The following EME2 variants were observed in gnomAD, a reference collection of about 807,000 sequenced individuals.
The protein encoded by EME2 is essential meiotic structure-specific endonuclease subunit 2, also known as structure-specific endonuclease subunit EME2.
Under a neutral mutation model 41.9 loss-of-function variants are expected in EME2, and 58 were observed. The ratio of observed to expected loss-of-function variants is 1.38; its 90% confidence interval spans 1.12 to 1.72. The LOEUF is 1.72. Ranked by LOEUF, EME2 falls within the 40% of genes most tolerant of loss-of-function variation. The probability of loss-of-function intolerance (pLI) is 0.00; values close to 1 mark genes in which losing one functional copy is unlikely to be tolerated. For missense variants in EME2, 695 were observed against 541.9 expected, an observed-to-expected ratio of 1.28 and a Z score of -2.81; for synonymous variants, 334 against 239.3, an observed-to-expected ratio of 1.40 and a Z score of -3.65.
rs781130749 is a variant in EME2, at chr16:1,776,113, G to T, written c.1015G>T (p.Ala339Ser). ...GGAGCGGGAGCGCATGGGCCTCCTG[G>T]CCGACCTTCCTGTGCCGCCCAGTGA... Reference protein sequence around the residue: ...STERERMGLLADLPVPPSEGG... With the variant: ...STERERMGLLSDLPVPPSEGG... Residue 339 changes from alanine (A) to serine (S), a missense_variant, in exon 8 of 8, where the codon GCC (alanine) becomes TCC (serine). Ala to Ser is a moderately conservative substitution (Grantham distance 99, BLOSUM62 1). Transcript: ENST00000568449. 6.8e-6 allele frequency: 11 copies of T among 1,611,518 alleles called. No individual in the cohort carries two copies. The highest frequency in any genetic ancestry group is 9.3e-6 in the Non-Finnish European group (11 of 1,179,750).
Position 1,781,425 on chromosome 16 carries a change from C to T in EME2, c.*5187C>T, listed in dbSNP as rs1249753021. The T allele has an allele frequency of 1.9e-6, 3 of 1,612,712 alleles. No individual in the cohort carries two copies. Among genetic ancestry groups the T allele is most frequent in the South Asian group, 1.1e-5 (1 of 91,092 alleles). On this transcript the variant is annotated 3_prime_UTR_variant, in exon 8 of 8. Transcript: ENST00000568449. Reference sequence around the variant, plus strand: ...AGCCACGGCCCGGGCATCTGCGTCTCGGCGGGCTGCACTCAGGACGAAGTG... The same window carrying T: ...AGCCACGGCCCGGGCATCTGCGTCTTGGCGGGCTGCACTCAGGACGAAGTG...
At position 1,780,788 on chromosome 16, in the gene EME2, A is replaced by C. The variant is rs1229191275; in HGVS notation, c.*4550A>C. On this transcript the variant is annotated 3_prime_UTR_variant, in exon 8 of 8. Transcript: ENST00000568449. Reference sequence around the variant, plus strand: ...AGCTCTGTCACCCAGGCTGGAACGCACTGGTGTGATCACGGCTCACTGCAG... The same window carrying C: ...AGCTCTGTCACCCAGGCTGGAACGCCCTGGTGTGATCACGGCTCACTGCAG... The C allele has an allele frequency of 4.6e-6, 1 of 216,294 alleles. No individual in the cohort carries two copies. Among genetic ancestry groups the C allele is most frequent in the Non-Finnish European group, 9.5e-6 (1 of 105,424 alleles). The allele number at this position is 216,294 out of a possible 1,614,324, so 13.4% of individuals were successfully genotyped here.
At position 1,775,137 on chromosome 16, in the gene EME2, C is replaced by T. The variant is rs376916673; in HGVS notation, c.569+5C>T. The T allele has an allele frequency of 2.5e-5, 41 of 1,611,752 alleles. No individual in the cohort carries two copies. Among genetic ancestry groups the T allele is most frequent in the Middle Eastern group, 1.6e-4 (1 of 6,080 alleles). On this transcript the variant is annotated splice_donor_5th_base_variant and intron_variant, in intron 4 of 7. Transcript: ENST00000568449. ...CGGGCTGGATGCCTACCTGTGGTAC[C>T]GCTCACTCTCATGCCCACAGCAGGG...
Position 1,777,294 on chromosome 16 carries a change from C to G in EME2, c.*1056C>G, listed in dbSNP as rs748063814. On this transcript the variant is annotated 3_prime_UTR_variant, in exon 8 of 8. Transcript: ENST00000568449. ...AGACCCTCCAGCGTGTCTCCCGAGT[C>G]TGGCCGCAGCTGGCGCAGGCGGTGG... 7 of 1,610,104 alleles carry G rather than the reference C, an allele frequency of 4.3e-6. No individual in the cohort carries two copies. In the South Asian group the frequency reaches 7.7e-5, roughly 18 times the overall value.
Position 1,781,460 on chromosome 16 carries a change from G to A in EME2, c.*5222G>A. ...CACTCAGGACGAAGTGCCAGGCCCT[G>A]CTGTTCCGGGGGCGTCTGGCCATGG... is the stretch of plus-strand genomic sequence containing the variant. On this transcript the variant is annotated 3_prime_UTR_variant, in exon 8 of 8. Coordinates refer to ENST00000568449, the MANE Select transcript of EME2 (RefSeq NM_001257370.2). The A allele has an allele frequency of 6.2e-7, 1 of 1,612,732 alleles. No homozygotes were observed. Among genetic ancestry groups the A allele is most frequent in the Non-Finnish European group, 8.5e-7 (1 of 1,179,980 alleles).
rs761605176 is a variant in EME2 at position 1,778,512 on chromosome 16, T to C, written c.*2274T>C. ...GCTGCTACAGAAGGAGGCCTCGCTC[T>C]GCCCAGCACAGTCACAGAAGGACTC... On this transcript the variant is annotated 3_prime_UTR_variant, in exon 8 of 8. Coordinates refer to ENST00000568449, the MANE Select transcript of EME2 (RefSeq NM_001257370.2). 6.2e-7 allele frequency: 1 copy of C among 1,611,944 alleles called. No homozygotes were observed. The highest frequency in any genetic ancestry group is 8.5e-7 in the Non-Finnish European group (1 of 1,179,474).
At chr16:1,774,155 G>A (rs2042674610) in intron 2 of EME2, 105 bp from the exon 3 acceptor site, 6 of 1,023,416 alleles carry the variant, frequency 5.9e-6, no homozygotes, top group South Asian at 5.4e-5. Flanking sequence ...TCAGGGCCTG[G>A]GCTTGGCTGG....
At chr16:1,776,026 C>T (rs1041231585) in intron 7 of EME2, 40 bp downstream of exon 7, 1 of 1,605,254 alleles carries the variant, frequency 6.2e-7, no homozygotes, top group South Asian at 1.1e-5. Flanking sequence ...GGTGCAGAAG[C>T]CCCGTCCCCA....
At chr16:1,774,233 C>T (rs1309672228) in intron 2 of EME2, 27 bp from the exon 3 acceptor site, 3 of 1,600,776 alleles carry the variant, frequency 1.9e-6, no homozygotes, top group Non-Finnish European at 2.6e-6. Context: ...TTGAGACAGG[C>T]AGCAGCGCGT....
intron 2 of EME2, 42 bp from the exon 3 acceptor site, chr16:1,774,218 C>G (rs753744223): frequency 1.9e-6 from 3 of 1,573,384 alleles, no homozygotes; most frequent in African/African-American, 1.3e-5. Context: ...CTGGGGCACC[C>G]GGGGTTGAGA....
chr16:1,774,859 C>G (rs1423969818), intron 3 of EME2, 182 bp from the exon 4 acceptor site: 3 of 664,918 alleles, frequency 4.5e-6, no homozygotes, highest in Middle Eastern at 4.3e-4. Context: ...TCCTTAGCCT[C>G]TTTGGCCTCG....
chr16:1,774,164 G>A (rs2042674671), intron 2 of EME2, 96 bp from the exon 3 acceptor site: 1 of 1,108,818 alleles, frequency 9.0e-7, no homozygotes, highest in Non-Finnish European at 1.4e-6. Flanking sequence ...GGGCTTGGCT[G>A]GGGCCACGAA....
Position 1,778,206 on chromosome 16 carries a change from G to A in EME2, c.*1968G>A, listed in dbSNP as rs199872665. The A allele has an allele frequency of 9.9e-6, 16 of 1,612,978 alleles. No homozygotes were observed. The highest frequency in any genetic ancestry group is 1.4e-5 in the Non-Finnish European group (16 of 1,179,966). ...GCTGGCCCTCCCCCAGCTCCTTGGT[G>A]CCCCGGATGGCCGCTGTGCCGCAGC... On this transcript the variant is annotated 3_prime_UTR_variant, in exon 8 of 8. Coordinates refer to ENST00000568449, the MANE Select transcript of EME2 (RefSeq NM_001257370.2).
chr16:1,781,094 G>T lies in EME2; in HGVS notation c.*4856G>T. On this transcript the variant is annotated 3_prime_UTR_variant, in exon 8 of 8. Coordinates refer to ENST00000568449, the MANE Select transcript of EME2 (RefSeq NM_001257370.2). ...AACTGCCAACCTCTCCATGCACCATGTGTTTCAGAGGAGAAAGCACAGTGA... is the reference window on the plus strand; with the variant it reads ...AACTGCCAACCTCTCCATGCACCATTTGTTTCAGAGGAGAAAGCACAGTGA... The T allele has an allele frequency of 1.5e-6, 2 of 1,315,514 alleles. No individual in the cohort carries two copies. Among genetic ancestry groups the T allele is most frequent in the Non-Finnish European group, 2.0e-6 (2 of 979,898 alleles). 81.5% of individuals were successfully genotyped at this position (1,315,514 alleles called of 1,614,324 possible).
At chr16:1,774,149 G>T in intron 2 of EME2, 111 bp from the exon 3 acceptor site, 1 of 977,756 alleles carries the variant, frequency 1.0e-6, no homozygotes, top group Non-Finnish European at 1.6e-6. Context: ...GGCCTGTCAG[G>T]GCCTGGGCTT....
In EME2 at chr16:1,777,211, G is replaced by T; in HGVS notation, c.*973G>T. On this transcript the variant is annotated 3_prime_UTR_variant, in exon 8 of 8. Coordinates refer to ENST00000568449, the MANE Select transcript of EME2 (RefSeq NM_001257370.2). ...GAGCCTTGCGGCGGCTGCAACTCAT[G>T]CTCAGGACCCAGCCCAGCTTGTTGT... 6.2e-7 allele frequency: 1 copy of T among 1,610,502 alleles called. No homozygotes were observed. Among genetic ancestry groups the T allele is most frequent in the Non-Finnish European group, 8.5e-7 (1 of 1,179,834 alleles).
In EME2 at chr16:1,775,343, C is replaced by G. The variant is rs769917579; in HGVS notation, c.598C>G (p.Gln200Glu). 13 of 1,611,074 alleles carry G rather than the reference C, an allele frequency of 8.1e-6. No homozygotes were observed. Among genetic ancestry groups the G allele is most frequent in the East Asian group, 2.2e-5 (1 of 44,888 alleles). ...TCGCCAGCACGTTTCCCGGGGGACACAGCAGCCAGAGAGCCCGAAGGTGGC... is the reference window on the plus strand; with the variant it reads ...TCGCCAGCACGTTTCCCGGGGGACAGAGCAGCCAGAGAGCCCGAAGGTGGC... Reference protein sequence around the residue: ...WSRQHVSRGTQQPESPKVAGA... With the variant: ...WSRQHVSRGTEQPESPKVAGA... Residue 200 changes from glutamine (Q) to glutamate (E), a missense_variant, in exon 5 of 8, where the codon CAG (glutamine) becomes GAG (glutamate). Coordinates refer to ENST00000568449, the MANE Select transcript of EME2 (RefSeq NM_001257370.2).
Position 1,778,842 on chromosome 16 carries a change from C to T in EME2, c.*2604C>T. 2.2e-6 allele frequency: 1 copy of T among 457,372 alleles called. No individual in the cohort carries two copies. The highest frequency in any genetic ancestry group is 2.0e-5 in the African/African-American group (1 of 50,040). 28.3% of individuals were successfully genotyped at this position (457,372 alleles called of 1,614,324 possible). A position where few individuals can be genotyped will look rare whatever the true frequency, so the allele number is the denominator to read the frequency against. ...GGGCCCTGGAGGCCCAGCCACAGAG[C>T]AGTAGCCAAGGCTGCCTGGCCTCCA... On this transcript the variant is annotated 3_prime_UTR_variant, in exon 8 of 8. Coordinates refer to ENST00000568449, the MANE Select transcript of EME2 (RefSeq NM_001257370.2).
rs779630743 is a variant in EME2 at position 1,778,383 on chromosome 16, C to T, written c.*2145C>T. ...CTCCATGGGGCTCTGCCCTGCCCAC[C>T]CCCAGGCCCGCCCGCAGTGCAGTCC... On this transcript the variant is annotated 3_prime_UTR_variant, in exon 8 of 8. Coordinates refer to ENST00000568449, the MANE Select transcript of EME2 (RefSeq NM_001257370.2). 1.7e-5 allele frequency: 28 copies of T among 1,607,446 alleles called. No homozygotes were observed. The highest frequency in any genetic ancestry group is 5.3e-5 in the African/African-American group (4 of 75,000).
Sources: allele counts gnomAD v4.1 joint callset, GRCh38; gene constraint gnomAD v4.1.1; transcripts MANE v1.5; gene names NCBI Gene and HGNC (gene_info 2026-07-23, HGNC 2026-07-21).